The following TSPAN2 variants were observed in gnomAD, a reference collection of about 807,000 sequenced individuals.
TSPAN2 encodes the protein tetraspanin 2.
TSPAN2 carries 24 observed loss-of-function variants against 33.3 expected under a neutral mutation model. That is an observed-to-expected ratio of 0.72 (90% CI 0.52 to 1.01). The LOEUF (loss-of-function observed/expected upper bound fraction) is 1.01, where lower values mean the gene tolerates loss of function less well. Ranked by LOEUF, TSPAN2 falls within the 50% of genes least tolerant of loss-of-function variation. The probability of loss-of-function intolerance (pLI) is 0.00; values close to 1 mark genes in which losing one functional copy is unlikely to be tolerated. For missense variants in TSPAN2, 278 were observed against 281.3 expected, an observed-to-expected ratio of 0.99 and a Z score of 0.08; for synonymous variants, 114 against 104.5, an observed-to-expected ratio of 1.09 and a Z score of -0.56.
At chr1:115,053,128 C>T (rs1295334427) in intron 7 of TSPAN2, among the ~76,000 whole-genome samples, 2 of 152,080 alleles carry the variant, frequency 1.3e-5, no homozygotes, top group South Asian at 4.1e-4. Flanking sequence ...AGCCTTAAAA[C>T]GGGAAGTTAA....
Position 115,057,531 on chromosome 1 carries a change from G to A in TSPAN2, c.516+6C>T. On this transcript the variant is annotated splice_donor_region_variant and intron_variant, in intron 6 of 7. Transcript: ENST00000369516. ...AGGTAGAGTAAGAACCTTGGTAGAA[G>A]CTTACCTTGTGTCCTAGAAGCTCCT... 1 of 1,613,894 alleles carries A rather than the reference G, an allele frequency of 6.2e-7. No homozygotes were observed. Among genetic ancestry groups the A allele is most frequent in the Non-Finnish European group, 8.5e-7 (1 of 1,179,766 alleles).
At position 115,083,449 on chromosome 1, in the gene TSPAN2, C is replaced by T. The variant is rs150183298; in HGVS notation, c.69+5915G>A. On this transcript the variant is annotated intron_variant, in intron 1 of 7. Transcript: ENST00000369516. ...ATTAAAAGAACTGCCAAAAACAAGCCAAGTGAGTAAGCCAAGAAGCAGGGC... is the reference window on the plus strand; with the variant it reads ...ATTAAAAGAACTGCCAAAAACAAGCTAAGTGAGTAAGCCAAGAAGCAGGGC... Among the ~76,000 whole-genome samples the T allele has an allele frequency of 9.2e-5, 14 of 152,186 alleles. No individual in the cohort carries two copies. The East Asian group carries it at 2.7e-3, about 29-fold the overall frequency.
At chr1:115,085,842 G>C (rs1648811956) in intron 1 of TSPAN2, among the ~76,000 whole-genome samples, 1 of 152,082 alleles carries the variant, frequency 6.6e-6, no homozygotes, top group Admixed American at 6.6e-5. Context: ...CCATGAAACT[G>C]GGGGAGAGGA....
chr1:115,088,224 T>TG (rs1444546984), intron 1 of TSPAN2, among the ~76,000 whole-genome samples: 2 of 152,206 alleles, frequency 1.3e-5, no homozygotes, highest in East Asian at 3.9e-4. Flanking sequence ...TCTGGGCTAA[T>TG]GGATTGACAG....
intron 2 of TSPAN2, among the ~76,000 whole-genome samples, chr1:115,062,829 A>T (rs990611185): frequency 2.0e-5 from 3 of 152,184 alleles, no homozygotes; most frequent in Non-Finnish European, 4.4e-5. Flanking sequence ...CCTGGCATTC[A>T]GGGTGCTTCC....
chr1:115,059,599 A>C (rs1647586525), intron 4 of TSPAN2, among the ~76,000 whole-genome samples: 1 of 152,254 alleles, frequency 6.6e-6, no homozygotes, highest in Non-Finnish European at 1.5e-5. Flanking sequence ...TTCATCACCA[A>C]GGAAAACTTT....
chr1:115,055,145 C>T (rs1647343411), intron 6 of TSPAN2, among the ~76,000 whole-genome samples: 1 of 152,158 alleles, frequency 6.6e-6, no homozygotes, highest in South Asian at 2.1e-4. Flanking sequence ...TATCCTATCA[C>T]CATGCTCAGT....
At chr1:115,068,395 G>A (rs1297197524) in intron 2 of TSPAN2, among the ~76,000 whole-genome samples, 2 of 152,174 alleles carry the variant, frequency 1.3e-5, no homozygotes, top group Non-Finnish European at 1.5e-5. Flanking sequence ...CATCTACCCC[G>A]AAGCAGGGAC....
At chr1:115,055,529 AT>A (rs376330233) in intron 6 of TSPAN2, among the ~76,000 whole-genome samples, 1,506 of 147,254 alleles carry the variant, frequency 0.01, 25 homozygotes, top group African/African-American at 0.034. Context: ...TATGATGATT[AT>A]TTTTTTTTTT....
At position 115,067,200 on chromosome 1, in the gene TSPAN2, G is replaced by A. The variant is rs529465207; in HGVS notation, c.173-4968C>T. ...CCTGAACCCCTATGCTTTCGTTTTA[G>A]CAGTAACTGTGAAGAACAACAATGC... On this transcript the variant is annotated intron_variant, in intron 2 of 7. Coordinates refer to ENST00000369516, the MANE Select transcript of TSPAN2 (RefSeq NM_005725.6). Among the ~76,000 whole-genome samples, 239 of 152,322 alleles carry A rather than the reference G, an allele frequency of 1.6e-3. 1 individual carries two copies. Among genetic ancestry groups the A allele is most frequent in the Non-Finnish European group, 2.4e-3 (161 of 68,024 alleles).
chr1:115,059,541 C>T (rs558184708), intron 4 of TSPAN2, among the ~76,000 whole-genome samples: 3 of 152,214 alleles, frequency 2.0e-5, no homozygotes, highest in African/African-American at 7.2e-5. Flanking sequence ...CCTGTTACCC[C>T]ATTGGTTAAA....
At chr1:115,052,084 T>C (rs962767214) in intron 7 of TSPAN2, among the ~76,000 whole-genome samples, 2 of 152,170 alleles carry the variant, frequency 1.3e-5, no homozygotes, top group African/African-American at 2.4e-5. Context: ...CTCTCCATTA[T>C]GCAGCACACG....
At position 115,050,283 on chromosome 1, in the gene TSPAN2, T is replaced by G. The variant is rs967851832; in HGVS notation, c.*207A>C. 3 of 609,086 alleles carry G rather than the reference T, an allele frequency of 4.9e-6. 1 individual carries two copies. Among genetic ancestry groups the G allele is most frequent in the South Asian group, 3.8e-5 (2 of 52,738 alleles). 37.7% of individuals were successfully genotyped at this position (609,086 alleles called of 1,614,324 possible). ...ATTCCAGAAACACGCAGATCACACA[T>G]GAATATGCTCTCAGTCATCATAAAC... On this transcript the variant is annotated 3_prime_UTR_variant, in exon 8 of 8. Transcript: ENST00000369516.
intron 1 of TSPAN2, among the ~76,000 whole-genome samples, chr1:115,081,649 C>T (rs939680359): frequency 1.3e-5 from 2 of 152,176 alleles, no homozygotes; most frequent in Admixed American, 1.3e-4. Context: ...CCCCAGCTTC[C>T]TCATCTGCAA....
chr1:115,053,302 A>G, intron 7 of TSPAN2, 77 bp downstream of exon 7: 1 of 1,290,860 alleles, frequency 7.7e-7, no homozygotes, highest in South Asian at 1.2e-5. Flanking sequence ...AGATACTATC[A>G]CACTTGAAAA....
rs1570960118 is a variant in TSPAN2, at chr1:115,048,032, A to G, written c.*2458T>C. 1 of 152,144 alleles carries G rather than the reference A, an allele frequency of 6.6e-6. No homozygotes were observed. The highest frequency in any genetic ancestry group is 2.4e-5 in the African/African-American group (1 of 41,568). The allele number at this position is 152,144 out of a possible 1,614,324, so 9.4% of individuals were successfully genotyped here. A position where few individuals can be genotyped will look rare whatever the true frequency, so the allele number is the denominator to read the frequency against. On this transcript the variant is annotated 3_prime_UTR_variant, in exon 8 of 8. Transcript: ENST00000369516. ...GCAATTTCAGTATATAGAAAATTTA[A>G]TATGAAATCACTTAAAATATTTCAA...
At chr1:115,064,630 C>T (rs1647868612) in intron 2 of TSPAN2, among the ~76,000 whole-genome samples, 1 of 152,218 alleles carries the variant, frequency 6.6e-6, no homozygotes, top group African/African-American at 2.4e-5. Flanking sequence ...AATTCTTAGT[C>T]AGTGTGCATT....
chr1:115,061,168 C>G (rs977265476), intron 3 of TSPAN2, among the ~76,000 whole-genome samples: 4 of 152,182 alleles, frequency 2.6e-5, no homozygotes, highest in Non-Finnish European at 5.9e-5. Flanking sequence ...AGAAATAAGT[C>G]AGACATTTCA....
intron 2 of TSPAN2, among the ~76,000 whole-genome samples, chr1:115,071,714 A>C (rs1648181178): frequency 6.6e-6 from 1 of 152,182 alleles, no homozygotes; most frequent in Non-Finnish European, 1.5e-5. Flanking sequence ...GAAATGTGGA[A>C]TGTCCTTATT....
Sources: allele counts gnomAD v4.1 joint callset (sites outside exome capture counted in the v4.1 genomes callset), GRCh38; gene constraint gnomAD v4.1.1; transcripts MANE v1.5; gene names NCBI Gene and HGNC (gene_info 2026-07-23, HGNC 2026-07-21).